WDR12: variants seen among roughly 807,000 people sequenced by gnomAD.
WDR12 encodes ribosome biogenesis protein WDR12.
A neutral mutation model predicts 64.3 loss-of-function variants in WDR12; 42 were observed. That is an observed-to-expected ratio of 0.65 (90% CI 0.51 to 0.84). WDR12 has a LOEUF of 0.84. Among genes scored for constraint, WDR12 ranks in the 40% least tolerant of loss-of-function variants. The pLI is 0.00. For synonymous variants in WDR12, 158 were observed against 173.3 expected (o/e 0.91, Z 0.70); for missense variants, 469 against 494.6 (o/e 0.95, Z 0.49).
In WDR12 at chr2:202,883,759, G is replaced by C; in HGVS notation, c.989-18C>G. On this transcript the variant is annotated intron_variant, in intron 10 of 12. Coordinates refer to ENST00000261015, the MANE Select transcript of WDR12 (RefSeq NM_018256.4). ...AGAACCATCTGAACAAAGCAAAAAAGACAAGCGTTGAATTTTAGAAAAGGG... is the reference window on the plus strand; with the variant it reads ...AGAACCATCTGAACAAAGCAAAAAACACAAGCGTTGAATTTTAGAAAAGGG... 6.2e-7 allele frequency: 1 copy of C among 1,604,778 alleles called. No homozygotes were observed.
intron 2 of WDR12, among the ~76,000 whole-genome samples, chr2:202,905,067 G>C (rs1033599683): frequency 5.3e-5 from 8 of 152,152 alleles, no homozygotes; most frequent in African/African-American, 1.9e-4. Flanking sequence ...AAATGAAAGG[G>C]TGCTCACCAT....
At position 202,883,494 on chromosome 2, in the gene WDR12, C is replaced by A. The variant is rs922076084; in HGVS notation, c.1121+115G>T. 6.1e-6 allele frequency: 8 copies of A among 1,312,292 alleles called. No individual in the cohort carries two copies. In the African/African-American group the frequency reaches 1.2e-4, roughly 20 times the overall value. 81.3% of individuals were successfully genotyped at this position (1,312,292 alleles called of 1,614,324 possible). Reference sequence around the variant, plus strand: ...TATCAGTATTTGTCACATGAGGTTGCAAAACCATGAGGCTTTTTTTACTCT... The same window carrying A: ...TATCAGTATTTGTCACATGAGGTTGAAAAACCATGAGGCTTTTTTTACTCT... On this transcript the variant is annotated intron_variant, in intron 11 of 12. Coordinates refer to ENST00000261015, the MANE Select transcript of WDR12 (RefSeq NM_018256.4).
At chr2:202,904,329 GAA>G (rs898784055) in intron 2 of WDR12, among the ~76,000 whole-genome samples, 1 of 144,302 alleles carries the variant, frequency 6.9e-6, no homozygotes, top group African/African-American at 2.5e-5. Context: ...ATTCTTCACA[GAA>G]AAAAAAAAAT....
chr2:202,894,015 G>T (rs538224440), intron 7 of WDR12, among the ~76,000 whole-genome samples: 2 of 152,076 alleles, frequency 1.3e-5, no homozygotes, highest in South Asian at 4.2e-4. Flanking sequence ...CTGAATAAGA[G>T]AACTTTGAGA....
At chr2:202,881,885 A>G (rs1322069122) in intron 12 of WDR12, among the ~76,000 whole-genome samples, 1 of 151,772 alleles carries the variant, frequency 6.6e-6, no homozygotes, top group Non-Finnish European at 1.5e-5. Flanking sequence ...CAAAAAACCC[A>G]CTATACTCAC....
rs891434070 is a variant in WDR12, at chr2:202,877,524, T to TA, written c.*3335dup. 2.6e-5 allele frequency: 4 copies of TA among 151,838 alleles called. No homozygotes were observed. Among genetic ancestry groups the TA allele is most frequent in the Non-Finnish European group, 5.9e-5 (4 of 67,916 alleles). The allele number at this position is 151,838 out of a possible 1,614,324, so 9.4% of individuals were successfully genotyped here. Reference sequence around the variant, plus strand: ...TAAAAATAAATTAAAAAATAAAAAATAAAAAATTGACTGGGTGTGGTCCCA... The same window carrying TA: ...TAAAAATAAATTAAAAAATAAAAAATAAAAAAATTGACTGGGTGTGGTCCCA... On this transcript the variant is annotated 3_prime_UTR_variant, in exon 13 of 13. Coordinates refer to ENST00000261015, the MANE Select transcript of WDR12 (RefSeq NM_018256.4).
chr2:202,900,610 A>T (rs2105910211), intron 3 of WDR12, among the ~76,000 whole-genome samples: 1 of 152,324 alleles, frequency 6.6e-6, no homozygotes, highest in South Asian at 2.1e-4. Flanking sequence ...ATATAAGGAA[A>T]CTTTGAAAAT....
At position 202,901,981 on chromosome 2, in the gene WDR12, T is replaced by A. The variant is rs146689409; in HGVS notation, c.137-862A>T. ...AAGACCCATCATAGGGCTTGGATTA[T>A]ATCAGTCTGATTCTATCCACCATAA... On this transcript the variant is annotated intron_variant, in intron 2 of 12. Coordinates refer to ENST00000261015, the MANE Select transcript of WDR12 (RefSeq NM_018256.4). Among the ~76,000 whole-genome samples the A allele has an allele frequency of 3.6e-3, 546 of 152,340 alleles. 1 individual carries two copies. Among genetic ancestry groups the A allele is most frequent in the Non-Finnish European group, 5.8e-3 (395 of 68,026 alleles).
intron 2 of WDR12, among the ~76,000 whole-genome samples, chr2:202,905,661 T>G (rs1688444475): frequency 6.6e-6 from 1 of 152,278 alleles, no homozygotes; most frequent in African/African-American, 2.4e-5. Flanking sequence ...AAATCAATAC[T>G]TCTACACAAT....
chr2:202,890,993 C>CT (rs1290123623), intron 8 of WDR12, among the ~76,000 whole-genome samples: 4 of 43,248 alleles, frequency 9.2e-5, no homozygotes, highest in Admixed American at 3.5e-4. Flanking sequence ...GACTTTGTCT[C>CT]TTTAAAAAAA....
chr2:202,909,204 C>T (rs1250712916), intron 1 of WDR12, among the ~76,000 whole-genome samples: 1 of 152,116 alleles, frequency 6.6e-6, no homozygotes, highest in South Asian at 2.1e-4. Flanking sequence ...GCAAGAGAAA[C>T]GAAAACATAC....
At chr2:202,894,306 T>G (rs1688203129) in intron 7 of WDR12, among the ~76,000 whole-genome samples, 1 of 151,906 alleles carries the variant, frequency 6.6e-6, no homozygotes, top group Non-Finnish European at 1.5e-5. Flanking sequence ...AACCTCAAAC[T>G]CCTAGGCTCA....
intron 7 of WDR12, 55 bp from the exon 8 acceptor site, chr2:202,892,757 G>C: frequency 1.6e-6 from 2 of 1,275,860 alleles, no homozygotes; most frequent in Non-Finnish European, 2.2e-6. Flanking sequence ...ATCGTGAACT[G>C]TCTGAAAGAA....
chr2:202,897,029 CAGA>C (rs1380575677), intron 5 of WDR12, among the ~76,000 whole-genome samples: 3 of 151,834 alleles, frequency 2.0e-5, no homozygotes, highest in Non-Finnish European at 2.9e-5. Context: ...CAAACAAAAA[CAGA>C]AGAAAATAAA....
chr2:202,896,039 G>A (rs1574407152), intron 6 of WDR12, 26 bp downstream of exon 6: 3 of 1,606,474 alleles, frequency 1.9e-6, no homozygotes, highest in Middle Eastern at 1.7e-4. Flanking sequence ...ATTTAACAGA[G>A]TACTAATAAT....
chr2:202,897,908 A>AAATATATATAT (rs1466552102), intron 4 of WDR12, among the ~76,000 whole-genome samples: 2 of 40,048 alleles, frequency 5.0e-5, no homozygotes, highest in African/African-American at 7.3e-5. Flanking sequence ...AAAAAAAAAA[A>AAATATATATAT]ATATATATAT....
chr2:202,890,158 G>C (rs745582039), intron 8 of WDR12, among the ~76,000 whole-genome samples: 1 of 152,136 alleles, frequency 6.6e-6, no homozygotes, highest in African/African-American at 2.4e-5. Context: ...AGTCTGGGGA[G>C]GCTGAGGCTG....
At position 202,875,812 on chromosome 2, in the gene WDR12, G is replaced by A. The variant is rs919813782; in HGVS notation, c.*5048C>T. 6.6e-6 allele frequency: 1 copy of A among 152,196 alleles called. No individual in the cohort carries two copies. The highest frequency in any genetic ancestry group is 6.5e-5 in the Admixed American group (1 of 15,278). The allele number at this position is 152,196 out of a possible 1,614,324, so 9.4% of individuals were successfully genotyped here. ...ATATACCAGTTAAGAGCTTGTCCAA[G>A]ATAAGTCCAAGTTCAAATTCACTGC... On this transcript the variant is annotated 3_prime_UTR_variant, in exon 13 of 13. Transcript: ENST00000261015.
At chr2:202,882,339 G>A (rs1479280417) in intron 12 of WDR12, among the ~76,000 whole-genome samples, 2 of 147,872 alleles carry the variant, frequency 1.4e-5, no homozygotes, top group Admixed American at 6.7e-5. Flanking sequence ...ACTAATAAAT[G>A]TTTTTTTTTT....
Sources: allele counts gnomAD v4.1 joint callset (sites outside exome capture counted in the v4.1 genomes callset), GRCh38; gene constraint gnomAD v4.1.1; transcripts MANE v1.5; gene names NCBI Gene and HGNC (gene_info 2026-07-23, HGNC 2026-07-21).